NELL1: variants seen among roughly 807,000 people sequenced by gnomAD.
The protein encoded by NELL1 is neural EGFL like 1, also known as protein kinase C-binding protein NELL1.
A neutral mutation model predicts 107.4 loss-of-function variants in NELL1; 76 were observed. The observed-to-expected ratio is 0.71, with a 90% CI of 0.59 to 0.86. NELL1 has a LOEUF of 0.86. Ranked by LOEUF, NELL1 falls within the 40% of genes least tolerant of loss-of-function variation. The pLI is 0.00. For missense variants in NELL1, 1,024 were observed against 1,005.5 expected (o/e 1.02, Z -0.25); for synonymous variants, 353 against 341.2 (o/e 1.03, Z -0.38).
At chr11:21,251,855 G>A (rs1858646276) in intron 14 of NELL1, among the ~76,000 whole-genome samples, 1 of 152,090 alleles carries the variant, frequency 6.6e-6, no homozygotes, top group Admixed American at 6.6e-5. Context: ...CTGTAAGTGA[G>A]TAGTTATGTT....
At chr11:20,937,051 A>G (rs1276239981) in intron 9 of NELL1, among the ~76,000 whole-genome samples, 1 of 152,182 alleles carries the variant, frequency 6.6e-6, no homozygotes, top group Non-Finnish European at 1.5e-5. Context: ...GTGGTGTTAT[A>G]TTAGGATCAT....
At chr11:20,841,793 C>T (rs1051602666) in intron 3 of NELL1, among the ~76,000 whole-genome samples, 5 of 151,996 alleles carry the variant, frequency 3.3e-5, no homozygotes, top group African/African-American at 4.8e-5. Context: ...TAGGGCTTTG[C>T]GGATCAGATA....
intron 17 of NELL1, among the ~76,000 whole-genome samples, chr11:21,562,083 T>C (rs1324450653): frequency 6.6e-6 from 1 of 152,068 alleles, no homozygotes; most frequent in Non-Finnish European, 1.5e-5. Flanking sequence ...GTCCCTGGAA[T>C]AGGCAAAGGA....
intron 12 of NELL1, among the ~76,000 whole-genome samples, chr11:20,969,666 G>T (rs57475293): frequency 6.6e-6 from 1 of 150,722 alleles, no homozygotes; most frequent in African/African-American, 2.4e-5. Context: ...ATGTAGTAAA[G>T]AACAAAGCAA....
intron 4 of NELL1, among the ~76,000 whole-genome samples, chr11:20,877,629 G>T (rs1244306365): frequency 6.6e-6 from 1 of 152,176 alleles, no homozygotes; most frequent in Admixed American, 6.5e-5. Flanking sequence ...ATTAAGAGAG[G>T]TTACACCTTG....
At position 21,195,585 on chromosome 11, in the gene NELL1, AAAAG is replaced by A. The variant is rs1316757155; in HGVS notation, c.1427-33746_1427-33743del. On this transcript the variant is annotated intron_variant, in intron 13 of 19. Coordinates refer to ENST00000357134, the MANE Select transcript of NELL1 (RefSeq NM_006157.5). ...AGAAAAGTAAAAAAAAAAAAAAAAA[AAAAG>A]GGCAGTTAAATTTTAAAGTATTTTT... Among the ~76,000 whole-genome samples, 3 of 131,854 alleles carry A rather than the reference AAAAG, an allele frequency of 2.3e-5. No homozygotes were observed. The Admixed American group carries it at 2.4e-4, about 10-fold the overall frequency. 86.5% of individuals were successfully genotyped at this position (131,854 alleles called of 152,430 possible). A position where few individuals can be genotyped will look rare whatever the true frequency, so the allele number is the denominator to read the frequency against.
At chr11:20,921,549 G>A (rs1377818448) in intron 7 of NELL1, among the ~76,000 whole-genome samples, 4 of 152,098 alleles carry the variant, frequency 2.6e-5, no homozygotes, top group African/African-American at 9.7e-5. Context: ...AGAGATAAAA[G>A]CTATAAATAG....
rs77790801 is a variant in NELL1 at position 21,393,734 on chromosome 11, A to G, written c.1645+22786A>G. On this transcript the variant is annotated intron_variant, in intron 15 of 19. Coordinates refer to ENST00000357134, the MANE Select transcript of NELL1 (RefSeq NM_006157.5). ...AATATATCCTGAGATTAAGATTGGG[A>G]AATGATGGGTAGAGCAGTAGAGCAT... Among the ~76,000 whole-genome samples, 1,316 of 151,768 alleles carry G rather than the reference A, an allele frequency of 8.7e-3. 16 individuals are homozygous for G. Among genetic ancestry groups the G allele is most frequent in the African/African-American group, 0.028 (1,177 of 41,478 alleles).
At chr11:20,734,003 T>A (rs1855705889) in intron 2 of NELL1, among the ~76,000 whole-genome samples, 1 of 151,810 alleles carries the variant, frequency 6.6e-6, no homozygotes, top group Admixed American at 6.6e-5. Context: ...AGGGATGTTT[T>A]TAGATGAAAT....
At chr11:20,684,751 T>A (rs1854268208) in intron 2 of NELL1, among the ~76,000 whole-genome samples, 2 of 152,092 alleles carry the variant, frequency 1.3e-5, no homozygotes, top group Admixed American at 1.3e-4. Context: ...TAGATCCTAC[T>A]TTAAAGGTTT....
At chr11:21,337,475 C>G (rs1356626181) in intron 14 of NELL1, among the ~76,000 whole-genome samples, 1 of 152,186 alleles carries the variant, frequency 6.6e-6, no homozygotes, top group Non-Finnish European at 1.5e-5. Context: ...GAAAATATGT[C>G]TTCCAAGATC....
chr11:21,292,993 A>T (rs575275517), intron 14 of NELL1, among the ~76,000 whole-genome samples: 10 of 152,338 alleles, frequency 6.6e-5, no homozygotes, highest in Admixed American at 1.3e-4. Flanking sequence ...AACCTAGGCA[A>T]TACCATTCAG....
Position 21,421,029 on chromosome 11 carries a change from T to G in NELL1, c.1645+50081T>G, listed in dbSNP as rs188886381. Among the ~76,000 whole-genome samples the G allele has an allele frequency of 5.2e-4, 79 of 151,898 alleles. 1 individual carries two copies. The South Asian group carries it at 0.015, about 29-fold the overall frequency. On this transcript the variant is annotated intron_variant, in intron 15 of 19. Coordinates refer to ENST00000357134, the MANE Select transcript of NELL1 (RefSeq NM_006157.5). ...AAGAAACTCAGAAAAAGAGAGACAATGTAGACAGAAGAAAATGCCAAGGAA... is the reference window on the plus strand; with the variant it reads ...AAGAAACTCAGAAAAAGAGAGACAAGGTAGACAGAAGAAAATGCCAAGGAA...
At chr11:21,569,920 T>C (rs571188850) in intron 17 of NELL1, among the ~76,000 whole-genome samples, 15 of 151,904 alleles carry the variant, frequency 9.9e-5, no homozygotes, top group African/African-American at 3.6e-4. Context: ...AAATTAGTTA[T>C]TAGCATGAAT....
intron 13 of NELL1, among the ~76,000 whole-genome samples, chr11:21,130,709 A>G (rs1855596254): frequency 6.6e-6 from 1 of 152,232 alleles, no homozygotes; most frequent in Admixed American, 6.5e-5. Context: ...TTGGAGGACA[A>G]ATACATTTGC....
At chr11:21,132,310 T>A (rs924533212) in intron 13 of NELL1, among the ~76,000 whole-genome samples, 2 of 152,170 alleles carry the variant, frequency 1.3e-5, no homozygotes, top group Non-Finnish European at 2.9e-5. Context: ...CCTCACCAGC[T>A]GGAAACCTCT....
At chr11:20,685,159 A>G (rs976787462) in intron 2 of NELL1, among the ~76,000 whole-genome samples, 1 of 151,652 alleles carries the variant, frequency 6.6e-6, no homozygotes, top group East Asian at 1.9e-4. Flanking sequence ...CTGCCTTCCT[A>G]TGCTATGCCT....
chr11:21,404,725 A>G (rs758149436), intron 15 of NELL1, among the ~76,000 whole-genome samples: 3 of 152,002 alleles, frequency 2.0e-5, no homozygotes, highest in Non-Finnish European at 4.4e-5. Flanking sequence ...TGTAACTAAT[A>G]TGGTCCAGAA....
At chr11:21,261,168 G>A (rs1191695758) in intron 14 of NELL1, among the ~76,000 whole-genome samples, 2 of 151,064 alleles carry the variant, frequency 1.3e-5, no homozygotes, top group Admixed American at 6.6e-5. Flanking sequence ...AGATAATTTG[G>A]GTGAAAATAA....
Sources: gnomAD v4.1 joint callset for allele counts (sites outside exome capture counted in the v4.1 genomes callset) on GRCh38, gnomAD v4.1.1 for gene constraint, MANE v1.5 for transcripts, NCBI Gene and HGNC (gene_info 2026-07-23, HGNC 2026-07-21) for gene names.